TRAPPC9: variants seen among roughly 807,000 people sequenced by gnomAD.
TRAPPC9 encodes IKK2 binding protein.
A neutral mutation model predicts 124.0 loss-of-function variants in TRAPPC9; 83 were observed. That is an observed-to-expected ratio of 0.67 (90% CI 0.56 to 0.80). The LOEUF (loss-of-function observed/expected upper bound fraction) is 0.80, where lower values mean the gene tolerates loss of function less well. Among genes scored for constraint, TRAPPC9 ranks in the 30% least tolerant of loss-of-function variants. TRAPPC9 has a pLI of 0.00. For synonymous variants in TRAPPC9, 638 were observed against 617.5 expected, an observed-to-expected ratio of 1.03 and a Z score of -0.49; for missense variants, 1,302 against 1,508.3, an observed-to-expected ratio of 0.86 and a Z score of 2.27.
At chr8:140,345,432 G>C (rs75500978) in intron 9 of TRAPPC9, among the ~76,000 whole-genome samples, 1 of 152,114 alleles carries the variant, frequency 6.6e-6, no homozygotes, top group Non-Finnish European at 1.5e-5. Context: ...AATGATGCCC[G>C]TCCCATCTCT....
At chr8:140,030,927 G>A (rs1197804545) in intron 17 of TRAPPC9, among the ~76,000 whole-genome samples, 3 of 152,170 alleles carry the variant, frequency 2.0e-5, no homozygotes, top group African/African-American at 7.2e-5. Context: ...TATGGTGGTG[G>A]TGGTGGTTAC....
At chr8:140,139,705 G>A (rs1415045189) in intron 17 of TRAPPC9, among the ~76,000 whole-genome samples, 4 of 152,242 alleles carry the variant, frequency 2.6e-5, no homozygotes, top group Non-Finnish European at 5.9e-5. Flanking sequence ...GTTCAAAACA[G>A]GCAAAATAAC....
In TRAPPC9 at chr8:140,275,691, G is replaced by A. The variant is rs375545861; in HGVS notation, c.2245C>T (p.Leu749=). ...ENIGMEPLEK[L]EVTSKVLTTK... ...GTGAGAACTTTCGAGGTGACCTCCA[G>A]TTTCTCCAATGGTTCCATTCCAATA... The change falls in exon 15 of 23, where the codon CTG becomes TTG. Residue 749 remains leucine (L), a synonymous_variant. Transcript: ENST00000438773. 122 of 1,614,070 alleles carry A rather than the reference G, an allele frequency of 7.6e-5. No individual in the cohort carries two copies. Among genetic ancestry groups the A allele is most frequent in the Non-Finnish European group, 9.6e-5 (113 of 1,180,032 alleles).
intron 5 of TRAPPC9, among the ~76,000 whole-genome samples, chr8:140,417,335 T>A (rs2069972682): frequency 6.6e-6 from 1 of 152,038 alleles, no homozygotes. Context: ...ATATCCAGAA[T>A]CTATAAAGAA....
intron 16 of TRAPPC9, among the ~76,000 whole-genome samples, chr8:140,247,697 G>A (rs980328308): frequency 7.2e-5 from 11 of 152,054 alleles, no homozygotes; most frequent in Admixed American, 3.3e-4. Context: ...ATGCATGTAC[G>A]TTAGATCTTC....
intron 17 of TRAPPC9, among the ~76,000 whole-genome samples, chr8:140,034,247 G>A (rs1189062469): frequency 1.3e-5 from 2 of 152,184 alleles, no homozygotes; most frequent in African/African-American, 4.8e-5. Flanking sequence ...CATTAACCAT[G>A]TATCAATGTC....
intron 17 of TRAPPC9, among the ~76,000 whole-genome samples, chr8:140,049,333 C>T (rs1018283094): frequency 2.6e-5 from 4 of 152,228 alleles, no homozygotes; most frequent in South Asian, 2.1e-4. Context: ...TGCTCCCTTC[C>T]GGGCCGAAGT....
intron 17 of TRAPPC9, among the ~76,000 whole-genome samples, chr8:140,206,919 C>T (rs1287986750): frequency 1.3e-5 from 2 of 152,114 alleles, no homozygotes; most frequent in African/African-American, 4.8e-5. Flanking sequence ...GTCGAGCACC[C>T]GTCATGTGCC....
intron 21 of TRAPPC9, among the ~76,000 whole-genome samples, chr8:139,774,049 G>C (rs887435713): frequency 2.6e-5 from 4 of 152,194 alleles, no homozygotes; most frequent in African/African-American, 9.6e-5. Flanking sequence ...GGGAAGGCTG[G>C]AGCTGCAGGC....
rs143567921 is a variant in TRAPPC9 at position 139,849,888 on chromosome 8, C to T, written c.3055+35991G>A. Among the ~76,000 whole-genome samples the T allele has an allele frequency of 2.2e-4, 33 of 152,334 alleles. No individual in the cohort carries two copies. In the East Asian group the frequency reaches 5.4e-3, roughly 25 times the overall value. ...CGCCCTGGCTCAGAACCAGTGTTTC[C>T]GACCTGAAGGAGGCCCTGAGGTGGC... On this transcript the variant is annotated intron_variant, in intron 21 of 22. Coordinates refer to ENST00000438773, the MANE Select transcript of TRAPPC9 (RefSeq NM_001160372.4).
chr8:140,110,968 C>T (rs2060764820), intron 17 of TRAPPC9, among the ~76,000 whole-genome samples: 2 of 122,506 alleles, frequency 1.6e-5, no homozygotes, highest in South Asian at 3.1e-4. Context: ...CCCTGCAGCC[C>T]CTGCAGCAGC....
chr8:140,027,215 A>C (rs1840202702), intron 17 of TRAPPC9, among the ~76,000 whole-genome samples: 1 of 152,238 alleles, frequency 6.6e-6, no homozygotes, highest in Non-Finnish European at 1.5e-5. Flanking sequence ...TGATCTCAGA[A>C]AGCTCTGTAA....
At chr8:140,012,163 TG>T (rs1049194571) in intron 18 of TRAPPC9, among the ~76,000 whole-genome samples, 5 of 152,128 alleles carry the variant, frequency 3.3e-5, no homozygotes, top group African/African-American at 9.6e-5. Flanking sequence ...AAGAAAGAAG[TG>T]GGGGGAAAAA....
intron 10 of TRAPPC9, among the ~76,000 whole-genome samples, chr8:140,306,267 G>A (rs533750098): frequency 2.9e-4 from 44 of 152,250 alleles, no homozygotes; most frequent in African/African-American, 8.7e-4. Flanking sequence ...AGGCCAAGGC[G>A]GGTGGATCAT....
chr8:140,417,775 A>C (rs1023869084), intron 5 of TRAPPC9, among the ~76,000 whole-genome samples: 2 of 152,198 alleles, frequency 1.3e-5, no homozygotes, highest in Non-Finnish European at 2.9e-5. Flanking sequence ...TGTTTATTGC[A>C]GCACTGTTCA....
At chr8:140,255,241 G>A (rs2064223856) in intron 15 of TRAPPC9, among the ~76,000 whole-genome samples, 1 of 152,192 alleles carries the variant, frequency 6.6e-6, no homozygotes, top group Non-Finnish European at 1.5e-5. Flanking sequence ...GTCATTCACA[G>A]AACACCTCAA....
At chr8:139,976,859 C>G (rs1248730699) in intron 19 of TRAPPC9, among the ~76,000 whole-genome samples, 2 of 152,196 alleles carry the variant, frequency 1.3e-5, no homozygotes, top group African/African-American at 4.8e-5. Flanking sequence ...ACCTCTGCTC[C>G]TCTGAGAGGA....
At chr8:140,413,803 T>C (rs1240381085) in intron 5 of TRAPPC9, among the ~76,000 whole-genome samples, 3 of 151,878 alleles carry the variant, frequency 2.0e-5, no homozygotes, top group African/African-American at 7.2e-5. Flanking sequence ...GAATGATGAT[T>C]TCCAATTTCA....
chr8:140,274,049 C>T (rs1303107909), intron 15 of TRAPPC9, among the ~76,000 whole-genome samples: 1 of 152,078 alleles, frequency 6.6e-6, no homozygotes, highest in African/African-American at 2.4e-5. Context: ...TGAAGCGAAG[C>T]CTAAGATGAA....
Sources: allele counts gnomAD v4.1 joint callset (sites outside exome capture counted in the v4.1 genomes callset), GRCh38; gene constraint gnomAD v4.1.1; transcripts MANE v1.5; gene names NCBI Gene and HGNC (gene_info 2026-07-23, HGNC 2026-07-21).